Variants in SV2C observed in about 807,000 individuals in gnomAD.
SV2C encodes the protein solute carrier family 22 member B3.
SV2C carries 49 observed loss-of-function variants against 79.7 expected under a neutral mutation model. The ratio of observed to expected loss-of-function variants is 0.61; its 90% CI spans 0.49 to 0.78. The LOEUF (loss-of-function observed/expected upper bound fraction) is 0.78, where lower values mean the gene tolerates loss of function less well. SV2C is among the 30% of genes least tolerant of loss of function. The probability of loss-of-function intolerance (pLI) is 0.00; values close to 1 mark genes in which losing one functional copy is unlikely to be tolerated. For synonymous variants in SV2C, 334 were observed against 333.2 expected (o/e 1.00, Z -0.03); for missense variants, 833 against 912.9 (o/e 0.91, Z 1.13).
chr5:75,849,366 C>T, the SV2C span, among the ~76,000 whole-genome samples: 147 of 152,188 alleles, frequency 9.7e-4, no homozygotes, highest in Middle Eastern at 3.4e-3. Context: ...TATACACCTA[C>T]TTACAATAGA....
chr5:76,262,333 CTTT>C (rs1231959862), intron 4 of SV2C, among the ~76,000 whole-genome samples: 1 of 151,746 alleles, frequency 6.6e-6, no homozygotes, highest in African/African-American at 2.4e-5. Context: ...CTCTTTTCTT[CTTT>C]ATTAGCCTGG....
At chr5:75,910,280 T>C in the SV2C span, 1 of 492,976 alleles carries the variant, frequency 2.0e-6, no homozygotes, top group Non-Finnish European at 4.0e-6. Context: ...AATAAAAAAT[T>C]AGTTTTCCAT....
chr5:75,963,491 A>T, the SV2C span, among the ~76,000 whole-genome samples: 2 of 152,014 alleles, frequency 1.3e-5, no homozygotes, highest in African/African-American at 4.8e-5. Flanking sequence ...CTAAAATCCG[A>T]TATTATTCAA....
At chr5:75,991,584 T>TA in the SV2C span, among the ~76,000 whole-genome samples, 1 of 79,972 alleles carries the variant, frequency 1.3e-5, no homozygotes, top group African/African-American at 4.5e-5. Flanking sequence ...TATATATATA[T>TA]ACACACATAT....
intron 3 of SV2C, among the ~76,000 whole-genome samples, chr5:76,206,441 A>G (rs1190862923): frequency 2.0e-5 from 3 of 152,228 alleles, no homozygotes; most frequent in East Asian, 3.9e-4. Flanking sequence ...GACCACAGCA[A>G]CTAAGGCATA....
At chr5:75,949,264 C>T in the SV2C span, among the ~76,000 whole-genome samples, 31 of 152,146 alleles carry the variant, frequency 2.0e-4, no homozygotes, top group South Asian at 5.0e-3. Flanking sequence ...AACCTCTTTT[C>T]TTTATAAATT....
chr5:75,931,017 C>T, the SV2C span, among the ~76,000 whole-genome samples: 14,419 of 152,084 alleles, frequency 0.095, 2,176 homozygotes, highest in African/African-American at 0.32. Flanking sequence ...GCCTGTAATC[C>T]CAGCTACTAG....
At chr5:75,988,703 C>A in the SV2C span, among the ~76,000 whole-genome samples, 102 of 152,030 alleles carry the variant, frequency 6.7e-4, no homozygotes, top group Non-Finnish European at 1.0e-3. Flanking sequence ...AAACCCAGAA[C>A]AAAAGGCCTG....
intron 4 of SV2C, among the ~76,000 whole-genome samples, chr5:76,239,541 T>G (rs1489378363): frequency 6.6e-6 from 1 of 152,170 alleles, no homozygotes; most frequent in Non-Finnish European, 1.5e-5. Flanking sequence ...GCTGGGGGCC[T>G]AGTATTATGT....
chr5:76,309,749 G>T (rs1371833540), intron 12 of SV2C, among the ~76,000 whole-genome samples: 1 of 150,046 alleles, frequency 6.7e-6, no homozygotes, highest in African/African-American at 2.5e-5. Context: ...GGGAAGAAAA[G>T]AGGTTGTCAA....
At chr5:76,265,769 C>T (rs1746633461) in intron 4 of SV2C, among the ~76,000 whole-genome samples, 1 of 152,104 alleles carries the variant, frequency 6.6e-6, no homozygotes, top group South Asian at 2.1e-4. Context: ...AGGTGACACC[C>T]CACCCTGCTT....
chr5:75,964,580 ATC>A, the SV2C span, among the ~76,000 whole-genome samples: 1 of 151,914 alleles, frequency 6.6e-6, no homozygotes, highest in African/African-American at 2.4e-5. Flanking sequence ...TAGTCTTTTT[ATC>A]TGTTGGATCC....
At chr5:76,224,636 A>AATTT (rs1745186782) in intron 4 of SV2C, among the ~76,000 whole-genome samples, 1 of 152,174 alleles carries the variant, frequency 6.6e-6, no homozygotes, top group Admixed American at 6.5e-5. Flanking sequence ...AGATACTTAC[A>AATTT]ATTTTGTGGA....
the SV2C span, among the ~76,000 whole-genome samples, chr5:75,915,218 A>G: frequency 6.6e-6 from 1 of 152,124 alleles, no homozygotes; most frequent in African/African-American, 2.4e-5. Context: ...TAGAGAGGCT[A>G]TTTCCCTTGC....
chr5:75,936,506 G>A, the SV2C span, among the ~76,000 whole-genome samples: 2 of 152,174 alleles, frequency 1.3e-5, no homozygotes, highest in Admixed American at 1.3e-4. Flanking sequence ...GTTCAGCTCC[G>A]GCTACTAAAG....
At chr5:76,044,730 T>C in the SV2C span, among the ~76,000 whole-genome samples, 1 of 152,236 alleles carries the variant, frequency 6.6e-6, no homozygotes, top group African/African-American at 2.4e-5. Context: ...TTCCTGTTCA[T>C]GTCCTTTGCC....
chr5:76,113,918 T>TCATA (rs1748173823), intron 1 of SV2C, among the ~76,000 whole-genome samples: 2 of 150,958 alleles, frequency 1.3e-5, no homozygotes, highest in African/African-American at 4.9e-5. Context: ...CTCCCCACAA[T>TCATA]CATACACACA....
chr5:75,906,878 G>A, the SV2C span, among the ~76,000 whole-genome samples: 1 of 152,198 alleles, frequency 6.6e-6, no homozygotes, highest in African/African-American at 2.4e-5. Flanking sequence ...TGTCACAACT[G>A]GGGCTTGTTA....
chr5:75,909,488 A>G, the SV2C span, among the ~76,000 whole-genome samples: 147 of 152,318 alleles, frequency 9.7e-4, no homozygotes, highest in African/African-American at 3.4e-3. Flanking sequence ...AGGACTGGAA[A>G]GTGTTGTCTG....
Sources: gnomAD v4.1 joint callset for allele counts (sites outside exome capture counted in the v4.1 genomes callset) on GRCh38, gnomAD v4.1.1 for gene constraint, MANE v1.5 for transcripts, NCBI Gene and HGNC (gene_info 2026-07-23, HGNC 2026-07-21) for gene names.